GPHN: variants seen among roughly 807,000 people sequenced by gnomAD.
GPHN encodes the protein gephyrin.
GPHN carries 17 observed loss-of-function variants against 95.5 expected under a neutral mutation model. The observed-to-expected ratio is 0.18, with a 90% CI of 0.12 to 0.27. The LOEUF (loss-of-function observed/expected upper bound fraction) is 0.27. Ranked by LOEUF, GPHN falls within the 10% of genes least tolerant of loss-of-function variation. GPHN has a pLI of 1.00. For missense variants in GPHN, 660 were observed against 978.1 expected (o/e 0.67, Z 4.34); for synonymous variants, 320 against 322.5 (o/e 0.99, Z 0.08).
chr14:66,573,633 T>A (rs899143372), intron 1 of GPHN, among the ~76,000 whole-genome samples: 10 of 152,130 alleles, frequency 6.6e-5, no homozygotes, highest in African/African-American at 2.4e-4. Flanking sequence ...ATTTTTGTAT[T>A]TTTGGTAGAG....
the GPHN span, among the ~76,000 whole-genome samples, chr14:67,732,880 C>T: frequency 1.3e-5 from 2 of 152,118 alleles, no homozygotes; most frequent in African/African-American, 2.4e-5. Flanking sequence ...CGTGCCCAGC[C>T]GTGATAGGCT....
the GPHN span, among the ~76,000 whole-genome samples, chr14:67,492,301 C>G: frequency 3.9e-5 from 6 of 152,200 alleles, no homozygotes; most frequent in African/African-American, 1.4e-4. Flanking sequence ...GGCCGCCGTC[C>G]CAGAGTGAGG....
chr14:66,812,967 G>A (rs985009921), intron 3 of GPHN, among the ~76,000 whole-genome samples: 2 of 152,144 alleles, frequency 1.3e-5, no homozygotes, highest in African/African-American at 4.8e-5. Flanking sequence ...TTTTAGCTTA[G>A]CATTTTTTAT....
At chr14:67,364,737 AC>A in the GPHN span, 27 of 1,591,260 alleles carry the variant, frequency 1.7e-5, no homozygotes, top group African/African-American at 3.4e-4. Flanking sequence ...TTAACTGAAT[AC>A]TTACTTAATT....
At chr14:66,936,572 A>G (rs369560310) in intron 8 of GPHN, among the ~76,000 whole-genome samples, 29 of 152,370 alleles carry the variant, frequency 1.9e-4, no homozygotes, top group African/African-American at 6.7e-4. Flanking sequence ...AGATAAATCA[A>G]TATAATGAAA....
At chr14:67,500,990 T>C in the GPHN span, among the ~76,000 whole-genome samples, 1 of 151,268 alleles carries the variant, frequency 6.6e-6, no homozygotes, top group Non-Finnish European at 1.5e-5. Context: ...AAGGTTCATT[T>C]GGGATCCAAA....
At chr14:66,880,674 T>C (rs2063886848) in intron 5 of GPHN, among the ~76,000 whole-genome samples, 1 of 151,996 alleles carries the variant, frequency 6.6e-6, no homozygotes, top group African/African-American at 2.4e-5. Context: ...GTTAATCTTT[T>C]AATGCTTGGC....
the GPHN span, among the ~76,000 whole-genome samples, chr14:67,448,191 T>G: frequency 7.8e-6 from 1 of 127,544 alleles, no homozygotes; most frequent in Non-Finnish European, 1.6e-5. Context: ...CAGGCTGGAG[T>G]GCAATACTGC....
At chr14:67,618,852 G>A in the GPHN span, among the ~76,000 whole-genome samples, 1 of 152,174 alleles carries the variant, frequency 6.6e-6, no homozygotes, top group Non-Finnish European at 1.5e-5. Flanking sequence ...ATGTCTTAGG[G>A]TACTAAAACT....
chr14:66,710,372 T>C (rs995128299), intron 2 of GPHN, among the ~76,000 whole-genome samples: 2 of 152,178 alleles, frequency 1.3e-5, no homozygotes, highest in East Asian at 1.9e-4. Context: ...GTACATATTA[T>C]ATGAGCTGTG....
chr14:67,115,838 C>T (rs749988051), intron 16 of GPHN, among the ~76,000 whole-genome samples: 2 of 152,064 alleles, frequency 1.3e-5, no homozygotes, highest in African/African-American at 4.8e-5. Flanking sequence ...CAAAGAGTGC[C>T]GTACAAGATG....
chr14:67,422,751 G>A, the GPHN span, among the ~76,000 whole-genome samples: 7 of 150,734 alleles, frequency 4.6e-5, no homozygotes, highest in African/African-American at 4.9e-5. Flanking sequence ...GATGTTGTTA[G>A]TTACTTAATG....
the GPHN span, among the ~76,000 whole-genome samples, chr14:67,551,664 G>A: frequency 1.2e-3 from 181 of 152,194 alleles, no homozygotes; most frequent in African/African-American, 3.7e-3. Context: ...CGAGGCAGGC[G>A]AATCACATGA....
chr14:67,274,528 TGTA>T, the GPHN span, among the ~76,000 whole-genome samples: 1 of 152,182 alleles, frequency 6.6e-6, no homozygotes, highest in Non-Finnish European at 1.5e-5. Context: ...ACTGTAACCT[TGTA>T]GTATAGTTTG....
At chr14:66,711,950 A>G (rs944161672) in intron 2 of GPHN, among the ~76,000 whole-genome samples, 13 of 152,118 alleles carry the variant, frequency 8.5e-5, no homozygotes, top group Admixed American at 2.0e-4. Flanking sequence ...ATAGTATTCC[A>G]TGATGTATAT....
At chr14:66,821,100 G>A (rs192972987) in intron 3 of GPHN, among the ~76,000 whole-genome samples, 79 of 152,284 alleles carry the variant, frequency 5.2e-4, no homozygotes, top group African/African-American at 1.6e-3. Context: ...AGAGGCAGCT[G>A]AATATTAAAG....
In GPHN at chr14:66,574,095, T is replaced by C. The variant is rs558159282; in HGVS notation, c.64+65504T>C. Among the ~76,000 whole-genome samples the C allele has an allele frequency of 1.4e-4, 22 of 152,354 alleles. No homozygotes were observed. In the South Asian group the frequency reaches 3.7e-3, roughly 26 times the overall value. On this transcript the variant is annotated intron_variant, in intron 1 of 22. Transcript: ENST00000478722. ...TGTAGATTCTTTGTTTCTTATATTCTGGCTGGCTTTCTTTTTGATTTATTT... is the reference window on the plus strand; with the variant it reads ...TGTAGATTCTTTGTTTCTTATATTCCGGCTGGCTTTCTTTTTGATTTATTT...
At chr14:66,513,021 G>T (rs894618345) in intron 1 of GPHN, among the ~76,000 whole-genome samples, 2 of 151,516 alleles carry the variant, frequency 1.3e-5, no homozygotes, top group East Asian at 3.9e-4. Context: ...TGATCTATAT[G>T]ACTTGAAAGG....
At position 66,615,076 on chromosome 14, in the gene GPHN, T is replaced by C. The variant is rs1205598310; in HGVS notation, c.65-66031T>C. 2.0e-5 allele frequency among the ~76,000 whole-genome samples: 3 copies of C among 152,238 alleles called. No individual in the cohort carries two copies. In the East Asian group the frequency reaches 5.8e-4, roughly 29 times the overall value. On this transcript the variant is annotated intron_variant, in intron 1 of 22. Transcript: ENST00000478722. ...TTTTTTATGGCTGCATAGTGTTCCA[T>C]GGTGTATACGTATCACATTTTCTTT...
Sources: gnomAD v4.1 joint callset for allele counts (sites outside exome capture counted in the v4.1 genomes callset) on GRCh38, gnomAD v4.1.1 for gene constraint, MANE v1.5 for transcripts, NCBI Gene and HGNC (gene_info 2026-07-23, HGNC 2026-07-21) for gene names.